The following MOB1B variants were observed in gnomAD, a reference collection of about 807,000 sequenced individuals.
The protein encoded by MOB1B is MOB kinase activator 1B, also known as MOB1 Mps One Binder homolog B.
MOB1B carries 19 observed loss-of-function variants against 24.4 expected under a neutral mutation model. The ratio of observed to expected loss-of-function variants is 0.78; its 90% CI spans 0.54 to 1.14. MOB1B has a LOEUF of 1.14. Ranked by LOEUF, MOB1B falls within the 50% of genes most tolerant of loss-of-function variation. MOB1B has a pLI of 0.00. For missense variants in MOB1B, 243 were observed against 259.6 expected (o/e 0.94, Z 0.44); for synonymous variants, 76 against 82.1 (o/e 0.93, Z 0.40).
intron 4 of MOB1B, among the ~76,000 whole-genome samples, chr4:70,978,103 C>T (rs1299530937): frequency 6.6e-6 from 1 of 152,136 alleles, no homozygotes; most frequent in Non-Finnish European, 1.5e-5. Flanking sequence ...CCACCACTCC[C>T]CCTGGTAGTC....
At chr4:70,937,212 C>A (rs1737121489) in intron 1 of MOB1B, among the ~76,000 whole-genome samples, 1 of 152,074 alleles carries the variant, frequency 6.6e-6, no homozygotes. Flanking sequence ...GCCACCTTGC[C>A]CGTTCTCTAA....
chr4:70,910,650 C>G (rs1735944131), intron 1 of MOB1B, among the ~76,000 whole-genome samples: 1 of 151,778 alleles, frequency 6.6e-6, no homozygotes, highest in African/African-American at 2.4e-5. Flanking sequence ...TATTTTTAAC[C>G]TTTATCTTTA....
intron 1 of MOB1B, among the ~76,000 whole-genome samples, chr4:70,915,095 G>A (rs1736148290): frequency 6.6e-6 from 1 of 152,084 alleles, no homozygotes; most frequent in African/African-American, 2.4e-5. Context: ...TCTTAACAAT[G>A]ATGATTGCTA....
chr4:70,905,558 C>A (rs1735706795), intron 1 of MOB1B, among the ~76,000 whole-genome samples: 1 of 152,016 alleles, frequency 6.6e-6, no homozygotes, highest in South Asian at 2.1e-4. Context: ...AATACTATTT[C>A]TGTACCAACA....
At chr4:70,972,897 C>G (rs1738818937) in intron 3 of MOB1B, among the ~76,000 whole-genome samples, 1 of 151,996 alleles carries the variant, frequency 6.6e-6, no homozygotes, top group Non-Finnish European at 1.5e-5. Context: ...CCTCAGCCCC[C>G]CGAGTAGCTG....
At chr4:70,924,134 T>C (rs998029827) in intron 1 of MOB1B, among the ~76,000 whole-genome samples, 3 of 152,158 alleles carry the variant, frequency 2.0e-5, no homozygotes, top group Admixed American at 6.6e-5. Flanking sequence ...CCTCCTGCTG[T>C]TTAGAGAATC....
At chr4:70,925,225 C>T (rs559668156) in intron 1 of MOB1B, among the ~76,000 whole-genome samples, 3 of 152,076 alleles carry the variant, frequency 2.0e-5, no homozygotes, top group Non-Finnish European at 2.9e-5. Context: ...TTAGTAGAGA[C>T]GGGGTTTCAC....
At chr4:70,978,349 T>C (rs1384558001) in intron 4 of MOB1B, among the ~76,000 whole-genome samples, 1 of 152,230 alleles carries the variant, frequency 6.6e-6, no homozygotes, top group Non-Finnish European at 1.5e-5. Context: ...CTGGGTTGTT[T>C]CCATATCTTG....
intron 1 of MOB1B, among the ~76,000 whole-genome samples, chr4:70,909,179 G>A (rs541542274): frequency 4.0e-5 from 6 of 151,836 alleles, no homozygotes; most frequent in African/African-American, 1.4e-4. Flanking sequence ...TTTCTCTCTA[G>A]ACTCATGATA....
At chr4:70,974,375 A>T (rs1196383873) in intron 3 of MOB1B, among the ~76,000 whole-genome samples, 1 of 152,134 alleles carries the variant, frequency 6.6e-6, no homozygotes, top group East Asian at 1.9e-4. Flanking sequence ...AAGTGCTAGG[A>T]TTACAGGTGT....
At chr4:70,952,682 C>A (rs967721086) in intron 1 of MOB1B, among the ~76,000 whole-genome samples, 14 of 144,656 alleles carry the variant, frequency 9.7e-5, no homozygotes, top group Non-Finnish European at 1.7e-4. Flanking sequence ...AAAAAAAAAA[C>A]TTTCTAATGC....
intron 1 of MOB1B, among the ~76,000 whole-genome samples, chr4:70,958,157 T>C (rs2148893693): frequency 6.6e-6 from 1 of 151,792 alleles, no homozygotes; most frequent in South Asian, 2.1e-4. Context: ...CATGTAGCTT[T>C]TCTTTTCTTT....
intron 1 of MOB1B, among the ~76,000 whole-genome samples, chr4:70,937,818 G>C (rs990032844): frequency 1.3e-5 from 2 of 152,150 alleles, no homozygotes; most frequent in Non-Finnish European, 2.9e-5. Flanking sequence ...GAGCCACCGT[G>C]CCCGGCCCAT....
At position 70,935,692 on chromosome 4, in the gene MOB1B, C is replaced by CT. The variant is rs1299421370; in HGVS notation, c.15-23181dup. On this transcript the variant is annotated intron_variant, in intron 1 of 5. Transcript: ENST00000309395. ...TTTTCTTTTGAGACAGGGTCTTACT[C>CT]TGTCACCCAAGCTGGAGTGCAGTGG... is the stretch of plus-strand genomic sequence containing the variant. Among the ~76,000 whole-genome samples the CT allele has an allele frequency of 3.3e-5, 5 of 151,508 alleles. No homozygotes were observed. The South Asian group carries it at 1.0e-3, about 32-fold the overall frequency.
chr4:70,906,238 C>T (rs759857562), intron 1 of MOB1B, among the ~76,000 whole-genome samples: 2 of 151,994 alleles, frequency 1.3e-5, no homozygotes, highest in Admixed American at 6.6e-5. Flanking sequence ...ATTAGCCGGG[C>T]GTGGTGGCGG....
intron 2 of MOB1B, 86 bp from the exon 3 acceptor site, chr4:70,969,845 A>G (rs1401586529): frequency 2.1e-5 from 14 of 675,642 alleles, no homozygotes; most frequent in East Asian, 8.4e-5. Context: ...ACGAACGCCA[A>G]TAAGCCTATT....
chr4:70,957,771 T>TC (rs1203687335), intron 1 of MOB1B, among the ~76,000 whole-genome samples: 2 of 143,242 alleles, frequency 1.4e-5, no homozygotes, highest in African/African-American at 2.8e-5. Context: ...TTTTTTTTTT[T>TC]CAAGAGATGG....
At chr4:70,909,706 A>G (rs1735898804) in intron 1 of MOB1B, among the ~76,000 whole-genome samples, 1 of 151,954 alleles carries the variant, frequency 6.6e-6, no homozygotes. Flanking sequence ...CTGGAAGTCT[A>G]GGTCCAGAGA....
At chr4:70,913,799 T>C (rs1410095897) in intron 1 of MOB1B, among the ~76,000 whole-genome samples, 1 of 152,152 alleles carries the variant, frequency 6.6e-6, no homozygotes, top group Non-Finnish European at 1.5e-5. Context: ...CACCCACTAG[T>C]TTTAGTGTTC....
Sources: allele counts gnomAD v4.1 joint callset (sites outside exome capture counted in the v4.1 genomes callset), GRCh38; gene constraint gnomAD v4.1.1; transcripts MANE v1.5; gene names NCBI Gene and HGNC (gene_info 2026-07-23, HGNC 2026-07-21).